Variants in MATR3 observed in about 807,000 individuals in gnomAD.
The protein encoded by MATR3 is matrin 3.
In MATR3, 4 loss-of-function variants were observed where a neutral mutation model predicts 85.5. The ratio of observed to expected loss-of-function variants is 0.05; its 90% CI spans 0.02 to 0.11. The LOEUF (loss-of-function observed/expected upper bound fraction) is 0.11, where lower values mean the gene tolerates loss of function less well. Ranked by LOEUF, MATR3 falls within the 10% of genes least tolerant of loss-of-function variation. The pLI is 1.00. For missense variants in MATR3, 685 were observed against 1,016.1 expected (o/e 0.67, Z 4.43); for synonymous variants, 336 against 343.1 (o/e 0.98, Z 0.23).
At position 139,330,926 on chromosome 5, in the gene MATR3, G is replaced by A. The variant is rs1756112152; in HGVS notation, c.*1531G>A. On this transcript the variant is annotated 3_prime_UTR_variant, in exon 15 of 15. Coordinates refer to ENST00000394805, the MANE Select transcript of MATR3 (RefSeq NM_018834.6). Reference sequence around the variant, plus strand: ...CTACCTCAGTCTCCTGAGTAGCTGGGACTACAGGCTCATGCCACTATACCT... The same window carrying A: ...CTACCTCAGTCTCCTGAGTAGCTGGAACTACAGGCTCATGCCACTATACCT... 1 of 453,884 alleles carries A rather than the reference G, an allele frequency of 2.2e-6. No individual in the cohort carries two copies. Among genetic ancestry groups the A allele is most frequent in the African/African-American group, 2.0e-5 (1 of 49,952 alleles). 28.1% of individuals were successfully genotyped at this position (453,884 alleles called of 1,614,324 possible). A position where few individuals can be genotyped will look rare whatever the true frequency, so the allele number is the denominator to read the frequency against.
At chr5:139,286,970 A>G (rs1753727333) in intron 3 of MATR3, among the ~76,000 whole-genome samples, 1 of 152,150 alleles carries the variant, frequency 6.6e-6, no homozygotes, top group Non-Finnish European at 1.5e-5. Context: ...ATTTTGTTTT[A>G]TTTTGTTTAC....
chr5:139,287,785 A>G (rs1753751358), intron 3 of MATR3, among the ~76,000 whole-genome samples: 1 of 152,186 alleles, frequency 6.6e-6, no homozygotes, highest in African/African-American at 2.4e-5. Context: ...GCCTGCTCAC[A>G]AACAGGCCCA....
At chr5:139,276,133 T>C (rs912344885) in exon 2 of MATR3, 1 of 456,644 alleles carries the variant, frequency 2.2e-6, no homozygotes, top group African/African-American at 2.0e-5. Context: ...AGGCTGGCTG[T>C]GGCAGATGCA....
chr5:139,326,233 A>C lies in MATR3; in HGVS notation c.2442A>C (p.Glu814Asp), dbSNP rs538879858. 2 of 1,613,252 alleles carry C rather than the reference A, an allele frequency of 1.2e-6. No individual in the cohort carries two copies. Among genetic ancestry groups the C allele is most frequent in the African/African-American group, 1.3e-5 (1 of 75,044 alleles). The change falls in exon 14 of 15, where the codon GAA (glutamate) becomes GAC (aspartate). Residue 814 changes from glutamate (E) to aspartate (D), a missense_variant. By Grantham distance (45) the Glu-to-Asp change is conservative (BLOSUM62 2). Coordinates refer to ENST00000394805, the MANE Select transcript of MATR3 (RefSeq NM_018834.6). ...KLCSLFYTNE[E>D]VAKNTHCSSL... is the part of the protein sequence containing the mutation. ...GTTCACTCTTTTATACAAATGAAGA[A>C]GTTGCAAAGAATACTCATTGCAGCA... is the stretch of plus-strand genomic sequence containing the variant.
At position 139,325,579 on chromosome 5, in the gene MATR3, A is replaced by T. The variant is rs978376573; in HGVS notation, c.2288A>T (p.Asp763Val). 49 of 1,614,106 alleles carry T rather than the reference A, an allele frequency of 3.0e-5. No individual in the cohort carries two copies. Among genetic ancestry groups the T allele is most frequent in the Non-Finnish European group, 4.1e-5 (48 of 1,180,048 alleles). Residue 763 changes from aspartate to valine, a missense_variant, in exon 13 of 15, where the codon GAT becomes GTT. Asp to Val is a radical substitution (Grantham distance 152). Transcript: ENST00000394805. Reference protein sequence around the residue: ...DPNKDTSENADGQSDENKDDY... With the variant: ...DPNKDTSENAVGQSDENKDDY... Reference sequence around the variant, plus strand: ...AACAAAGATACAAGTGAAAACGCAGATGGTCAAAGTGATGAGAACAAGGAC... The same window carrying T: ...AACAAAGATACAAGTGAAAACGCAGTTGGTCAAAGTGATGAGAACAAGGAC...
At chr5:139,278,406 C>T (rs938883784) in intron 2 of MATR3, 1 of 452,802 alleles carries the variant, frequency 2.2e-6, no homozygotes, top group Non-Finnish European at 4.4e-6. Flanking sequence ...GTGCAGTTTT[C>T]AGGTAAATAT....
chr5:139,314,779 A>G, intron 3 of MATR3, 43 bp downstream of exon 3: 1 of 1,569,898 alleles, frequency 6.4e-7, no homozygotes, highest in South Asian at 1.1e-5. Context: ...ATCGTGAATC[A>G]GAATCAGCCA....
chr5:139,319,514 A>C lies in MATR3; in HGVS notation c.1602+13A>C. On this transcript the variant is annotated intron_variant, in intron 9 of 14. Transcript: ENST00000394805. The stretch of plus-strand genomic sequence containing the variant: ...GATGAAAAGTCAGGTAATATACATA[A>C]GGAAGTTTTAGAGAAGATAATTTAT... 6.3e-7 allele frequency: 1 copy of C among 1,598,948 alleles called. No individual in the cohort carries two copies. The highest frequency in any genetic ancestry group is 8.6e-7 in the Non-Finnish European group (1 of 1,167,420).
chr5:139,316,239 A>G (rs1234577298), intron 5 of MATR3, 51 bp downstream of exon 5: 4 of 1,408,956 alleles, frequency 2.8e-6, no homozygotes, highest in South Asian at 2.3e-5. Context: ...GTTACTGAAA[A>G]TTTTTCTTTT....
intron 6 of MATR3, 68 bp downstream of exon 6, chr5:139,317,173 T>C (rs1244554766): frequency 3.3e-5 from 48 of 1,442,604 alleles, no homozygotes; most frequent in Non-Finnish European, 4.7e-5. Flanking sequence ...CCTAAATCCT[T>C]ACTAGTTGAG....
intron 1 of MATR3, among the ~76,000 whole-genome samples, chr5:139,275,098 C>A (rs1753219759): frequency 6.6e-6 from 1 of 150,530 alleles, no homozygotes; most frequent in South Asian, 2.1e-4. Flanking sequence ...GCCTCAGCAT[C>A]CCGAGTAACA....
intron 3 of MATR3, chr5:139,315,313 T>G: frequency 4.4e-6 from 1 of 226,476 alleles, no homozygotes; most frequent in Non-Finnish European, 8.7e-6. Flanking sequence ...TATTCTTTCT[T>G]TCTAATGTCA....
chr5:139,323,558 G>A (rs112244363), intron 12 of MATR3, among the ~76,000 whole-genome samples: 1,955 of 152,320 alleles, frequency 0.013, 25 homozygotes, highest in South Asian at 0.066. Context: ...CCTAGCTTAA[G>A]GAGTAGGGCA....
intron 3 of MATR3, among the ~76,000 whole-genome samples, chr5:139,288,294 AT>A (rs1472668956): frequency 1.7e-5 from 2 of 114,568 alleles, no homozygotes; most frequent in African/African-American, 5.4e-5. Flanking sequence ...CACCTGTTAT[AT>A]TTCTTTTGAA....
intron 3 of MATR3, among the ~76,000 whole-genome samples, chr5:139,287,083 C>T (rs908785742): frequency 2.0e-5 from 3 of 152,150 alleles, no homozygotes; most frequent in African/African-American, 7.2e-5. Context: ...GGTGTGAATT[C>T]CATAATTCCA....
intron 3 of MATR3, among the ~76,000 whole-genome samples, chr5:139,283,760 C>G (rs1753613239): frequency 6.6e-6 from 1 of 152,236 alleles, no homozygotes; most frequent in Non-Finnish European, 1.5e-5. Flanking sequence ...CTTATACAAT[C>G]TAGCCTTATC....
intron 1 of MATR3, among the ~76,000 whole-genome samples, chr5:139,304,647 C>T (rs1035082129): frequency 5.9e-5 from 9 of 152,120 alleles, no homozygotes; most frequent in African/African-American, 2.2e-4. Context: ...GGCATTTACA[C>T]TAGTATATAG....
At chr5:139,299,403 GTGGTTCA>G (rs1373914414) in intron 1 of MATR3, among the ~76,000 whole-genome samples, 2 of 152,244 alleles carry the variant, frequency 1.3e-5, no homozygotes, top group African/African-American at 4.8e-5. Context: ...GCAGGGCACA[GTGGTTCA>G]TGTCTATAAC....
chr5:139,304,115 A>G (rs1391192859), intron 1 of MATR3, among the ~76,000 whole-genome samples: 2 of 152,246 alleles, frequency 1.3e-5, no homozygotes, highest in Non-Finnish European at 2.9e-5. Flanking sequence ...TGAAGCTAAC[A>G]TTTTTAAACA....
Sources: allele counts gnomAD v4.1 joint callset (sites outside exome capture counted in the v4.1 genomes callset), GRCh38; gene constraint gnomAD v4.1.1; transcripts MANE v1.5; gene names NCBI Gene and HGNC (gene_info 2026-07-23, HGNC 2026-07-21).